LYPLAL1: variants seen among roughly 807,000 people sequenced by gnomAD.
LYPLAL1 encodes the protein lysophospholipase like 1.
Under a neutral mutation model 19.7 loss-of-function variants are expected in LYPLAL1, and 23 were observed. That is an observed-to-expected ratio of 1.17 (90% CI 0.84 to 1.65). The LOEUF (loss-of-function observed/expected upper bound fraction) is 1.65. Among genes scored for constraint, LYPLAL1 ranks in the 40% most tolerant of loss-of-function variants. LYPLAL1 has a pLI of 0.00. For missense variants in LYPLAL1, 355 were observed against 279.4 expected (o/e 1.27, Z -1.93); for synonymous variants, 119 against 96.3 (o/e 1.24, Z -1.38).
chr1:219,312,882 A>G, the LYPLAL1 span, among the ~76,000 whole-genome samples: 10 of 152,220 alleles, frequency 6.6e-5, no homozygotes, highest in African/African-American at 2.4e-4. Context: ...CTTACTAACC[A>G]GAAGTCTTAT....
At chr1:219,245,175 C>CCCTTCCTTCCTT in the LYPLAL1 span, among the ~76,000 whole-genome samples, 134 of 132,616 alleles carry the variant, frequency 1.0e-3, no homozygotes, top group East Asian at 1.8e-3. Context: ...CCTCTTCCAT[C>CCCTTCCTTCCTT]CCTTCCTTCC....
intron 3 of LYPLAL1, among the ~76,000 whole-genome samples, chr1:219,201,455 C>T (rs1658091484): frequency 6.6e-6 from 1 of 151,770 alleles, no homozygotes; most frequent in Admixed American, 6.6e-5. Flanking sequence ...AATTCTAAAG[C>T]ACCAGTTATA....
chr1:219,175,923 A>G (rs950431343), intron 1 of LYPLAL1, among the ~76,000 whole-genome samples: 5 of 152,210 alleles, frequency 3.3e-5, no homozygotes, highest in African/African-American at 4.8e-5. Context: ...AACCAGTTTT[A>G]ACACTTTTAC....
the LYPLAL1 span, among the ~76,000 whole-genome samples, chr1:219,416,492 G>A: frequency 6.6e-6 from 1 of 152,184 alleles, no homozygotes; most frequent in African/African-American, 2.4e-5. Context: ...TCTATTGAAG[G>A]GTACTGCTCC....
intron 3 of LYPLAL1, among the ~76,000 whole-genome samples, chr1:219,196,971 A>T (rs1013516853): frequency 1.5e-4 from 23 of 152,280 alleles, no homozygotes; most frequent in Admixed American, 1.5e-3. Flanking sequence ...CCACTGCTCA[A>T]GGAAATAAGA....
chr1:219,351,258 T>C, the LYPLAL1 span, among the ~76,000 whole-genome samples: 2 of 152,112 alleles, frequency 1.3e-5, no homozygotes, highest in Middle Eastern at 3.2e-3. Context: ...CAGGACCTTT[T>C]CATTTGCAGA....
chr1:219,229,348 T>G, the LYPLAL1 span, among the ~76,000 whole-genome samples: 1 of 142,292 alleles, frequency 7.0e-6, no homozygotes. Context: ...ACACGCAGGC[T>G]ACCGAACAGC....
chr1:219,356,438 C>G, the LYPLAL1 span, among the ~76,000 whole-genome samples: 2 of 152,076 alleles, frequency 1.3e-5, no homozygotes, highest in Non-Finnish European at 2.9e-5. Context: ...AGGCGGAGGT[C>G]GCAGTGAGTT....
the LYPLAL1 span, among the ~76,000 whole-genome samples, chr1:219,395,833 G>A: frequency 1.3e-5 from 2 of 152,092 alleles, no homozygotes; most frequent in South Asian, 4.1e-4. Flanking sequence ...GCTGGATGCG[G>A]TGGCTCACAC....
chr1:219,330,351 T>G, the LYPLAL1 span, among the ~76,000 whole-genome samples: 12 of 152,320 alleles, frequency 7.9e-5, no homozygotes, highest in East Asian at 1.9e-3. Context: ...AAAAAATATT[T>G]TAAATCCAAA....
At chr1:219,192,967 C>T (rs1228189068) in intron 2 of LYPLAL1, 115 bp from the exon 3 acceptor site, 1 of 1,074,210 alleles carries the variant, frequency 9.3e-7, no homozygotes, top group Non-Finnish European at 1.3e-6. Context: ...ACTTATAAAA[C>T]TTAGAAGAAA....
the LYPLAL1 span, among the ~76,000 whole-genome samples, chr1:219,445,414 G>C: frequency 9.4e-6 from 1 of 105,826 alleles, no homozygotes; most frequent in African/African-American, 3.8e-5. Context: ...AAATTGGGGG[G>C]GGGGCGGTGG....
At chr1:219,174,137 C>G in intron 1 of LYPLAL1, 156 bp downstream of exon 1, 1 of 1,449,674 alleles carries the variant, frequency 6.9e-7, no homozygotes. Flanking sequence ...GCACGGGCAG[C>G]GCCACCTGCC....
the LYPLAL1 span, among the ~76,000 whole-genome samples, chr1:219,268,262 T>G: frequency 2.0e-5 from 3 of 149,118 alleles, no homozygotes; most frequent in African/African-American, 5.0e-5. Flanking sequence ...TAAGGAGGGG[T>G]GGGGGGATAA....
At chr1:219,191,213 A>G (rs1657155288) in intron 2 of LYPLAL1, among the ~76,000 whole-genome samples, 1 of 151,588 alleles carries the variant, frequency 6.6e-6, no homozygotes, top group Non-Finnish European at 1.5e-5. Flanking sequence ...GACATCTATT[A>G]AGACAAAAAT....
chr1:219,308,618 C>T, the LYPLAL1 span, among the ~76,000 whole-genome samples: 147 of 152,292 alleles, frequency 9.7e-4, no homozygotes, highest in Admixed American at 2.3e-3. Context: ...ACGTAGAGCT[C>T]GGTTTGAGGC....
chr1:219,429,569 A>T, the LYPLAL1 span, among the ~76,000 whole-genome samples: 8 of 152,058 alleles, frequency 5.3e-5, no homozygotes, highest in Admixed American at 4.6e-4. Context: ...AGGCGAGAGG[A>T]GTGTTTGAAC....
chr1:219,393,302 T>A, the LYPLAL1 span, among the ~76,000 whole-genome samples: 2 of 152,186 alleles, frequency 1.3e-5, no homozygotes, highest in African/African-American at 4.8e-5. Context: ...TTGGCCCAGC[T>A]CTATCTGCTG....
At chr1:219,396,469 A>C in the LYPLAL1 span, among the ~76,000 whole-genome samples, 9 of 152,306 alleles carry the variant, frequency 5.9e-5, no homozygotes, top group African/African-American at 2.2e-4. Flanking sequence ...AGTTCTATGA[A>C]GAATGTCATT....
Sources: gnomAD v4.1 joint callset for allele counts (sites outside exome capture counted in the v4.1 genomes callset) on GRCh38, gnomAD v4.1.1 for gene constraint, MANE v1.5 for transcripts, NCBI Gene and HGNC (gene_info 2026-07-23, HGNC 2026-07-21) for gene names.